Variants in MYOCD observed in about 807,000 individuals in gnomAD.
MYOCD encodes myocardin.
In MYOCD, 32 loss-of-function variants were observed where a neutral mutation model predicts 96.1. The ratio of observed to expected loss-of-function variants is 0.33; its 90% CI spans 0.25 to 0.45. The LOEUF is 0.45. Among genes scored for constraint, MYOCD ranks in the 20% least tolerant of loss-of-function variants. The probability of loss-of-function intolerance (pLI) is 1.00; values close to 1 mark genes in which losing one functional copy is unlikely to be tolerated. For missense variants in MYOCD, 1,133 were observed against 1,200.6 expected (o/e 0.94, Z 0.83); for synonymous variants, 469 against 469.0 (o/e 1.00, Z 0.00).
At chr17:12,669,529 C>A (rs914223092) in intron 1 of MYOCD, among the ~76,000 whole-genome samples, 3 of 152,196 alleles carry the variant, frequency 2.0e-5, no homozygotes, top group African/African-American at 4.8e-5. Flanking sequence ...CACTATATAG[C>A]AGTACTTGGG....
intron 1 of MYOCD, among the ~76,000 whole-genome samples, chr17:12,698,252 C>A (rs1032598721): frequency 1.3e-5 from 2 of 152,186 alleles, no homozygotes; most frequent in African/African-American, 2.4e-5. Flanking sequence ...TAGTCTAGAT[C>A]TGAACTGAAG....
chr17:12,752,598 C>G lies in MYOCD; in HGVS notation c.1310C>G (p.Ser437Cys). ...PNTLPNYQSS[S>C]STSALSNGFY... is the part of the protein sequence containing the mutation. ...ACGCTGCCCAATTACCAGTCTTCCT[C>G]TTCTACCAGTGCCCTGTCCAACGGC... Residue 437 changes from serine to cysteine, a missense_variant, in exon 10 of 14, where the codon TCT becomes TGT. Transcript: ENST00000425538. The G allele has an allele frequency of 6.2e-7, 1 of 1,614,190 alleles. No individual in the cohort carries two copies. The highest frequency in any genetic ancestry group is 8.5e-7 in the Non-Finnish European group (1 of 1,180,040).
chr17:12,683,723 C>T (rs2029935808), intron 1 of MYOCD, among the ~76,000 whole-genome samples: 1 of 152,188 alleles, frequency 6.6e-6, no homozygotes, highest in South Asian at 2.1e-4. Flanking sequence ...CTACATGAAG[C>T]TCCTGGCATG....
chr17:12,688,644 A>C (rs1457093253), intron 1 of MYOCD, among the ~76,000 whole-genome samples: 3 of 122,604 alleles, frequency 2.4e-5, no homozygotes, highest in Non-Finnish European at 3.3e-5. Context: ...TCTTCCTTCC[A>C]TCTTCTTCCT....
intron 4 of MYOCD, 120 bp from the exon 5 acceptor site, chr17:12,722,727 T>G: frequency 2.6e-6 from 2 of 772,514 alleles, no homozygotes. Flanking sequence ...CATCGAAAAA[T>G]TATTAGGATG....
intron 3 of MYOCD, among the ~76,000 whole-genome samples, chr17:12,716,985 C>CAAAAAAAAAA (rs56992216): frequency 8.9e-6 from 1 of 112,952 alleles, no homozygotes; most frequent in Non-Finnish European, 1.7e-5. Context: ...GATGCTGTCT[C>CAAAAAAAAAA]AAAAAAAAAA....
intron 4 of MYOCD, among the ~76,000 whole-genome samples, chr17:12,722,506 C>T (rs1033766493): frequency 2.0e-5 from 3 of 152,194 alleles, no homozygotes; most frequent in African/African-American, 4.8e-5. Context: ...AGTCACTATG[C>T]AGACCAAATG....
At chr17:12,761,022 A>C in intron 13 of MYOCD, 2 of 256,956 alleles carry the variant, frequency 7.8e-6, no homozygotes, top group Non-Finnish European at 1.5e-5. Context: ...TCTAATCTCA[A>C]TGCCCCTACC....
chr17:12,700,924 G>T (rs2031041463), intron 1 of MYOCD, among the ~76,000 whole-genome samples: 1 of 152,048 alleles, frequency 6.6e-6, no homozygotes, highest in East Asian at 1.9e-4. Flanking sequence ...GTGTGGGGGG[G>T]TTATAATAAT....
In MYOCD at chr17:12,767,461, T is replaced by C. The variant is rs2033371133; in HGVS notation, c.*3817T>C. The stretch of plus-strand genomic sequence containing the variant: ...AGTGGCTAATATTTAATGCCCACCA[T>C]GGGCAGAGCACACAAATCTTCAGAT... On this transcript the variant is annotated 3_prime_UTR_variant, in exon 14 of 14. Coordinates refer to ENST00000425538, the MANE Select transcript of MYOCD (RefSeq NM_001146312.3). 1 of 152,226 alleles carries C rather than the reference T, an allele frequency of 6.6e-6. No homozygotes were observed. Among genetic ancestry groups the C allele is most frequent in the African/African-American group, 2.4e-5 (1 of 41,464 alleles). 9.4% of individuals were successfully genotyped at this position (152,226 alleles called of 1,614,324 possible). A position where few individuals can be genotyped will look rare whatever the true frequency, so the allele number is the denominator to read the frequency against.
At chr17:12,716,639 T>A (rs1385151722) in intron 3 of MYOCD, among the ~76,000 whole-genome samples, 1 of 152,064 alleles carries the variant, frequency 6.6e-6, no homozygotes, top group Non-Finnish European at 1.5e-5. Context: ...TTAGATGGAT[T>A]TAGGCAATGT....
Position 12,762,706 on chromosome 17 carries a change from G to C in MYOCD, c.2390-367G>C, listed in dbSNP as rs376351265. On this transcript the variant is annotated intron_variant, in intron 13 of 13. Coordinates refer to ENST00000425538, the MANE Select transcript of MYOCD (RefSeq NM_001146312.3). ...AAACTGCTGAGTTGTCATCAGAAGC[G>C]GGGGGAGTAGCAATCAGAAAGTGGC... 53 of 186,678 alleles carry C rather than the reference G, an allele frequency of 2.8e-4. No individual in the cohort carries two copies. The East Asian group carries it at 6.1e-3, about 21-fold the overall frequency. 11.6% of individuals were successfully genotyped at this position (186,678 alleles called of 1,614,324 possible). A position where few individuals can be genotyped will look rare whatever the true frequency, so the allele number is the denominator to read the frequency against.
intron 7 of MYOCD, among the ~76,000 whole-genome samples, chr17:12,742,617 C>A (rs866775292): frequency 1.8e-4 from 27 of 151,882 alleles, no homozygotes; most frequent in African/African-American, 6.3e-4. Flanking sequence ...ATCACCCAGG[C>A]TGGAGTGTAG....
chr17:12,756,483 T>C lies in MYOCD; in HGVS notation c.2128T>C (p.Ser710Pro). The C allele has an allele frequency of 3.9e-6, 6 of 1,551,704 alleles. No individual in the cohort carries two copies. The highest frequency in any genetic ancestry group is 5.2e-6 in the Non-Finnish European group (6 of 1,147,028). The change falls in exon 11 of 14, where the codon TCT becomes CCT. Residue 710 changes from serine (S) to proline (P), a missense_variant. Physicochemically the swap from Ser to Pro is moderately conservative, Grantham distance 74. Transcript: ENST00000425538. Reference protein sequence around the residue: ...PHSSSLHPPFSGAQADSSHGA... With the variant: ...PHSSSLHPPFPGAQADSSHGA... ...TTCTTCCAGCCTCCACCCGCCCTTC[T>C]CTGGAGCCCAAGCAGACAGCAGTCA...
At chr17:12,762,239 G>A (rs1187492721) in intron 13 of MYOCD, 1 of 152,282 alleles carries the variant, frequency 6.6e-6, no homozygotes, top group African/African-American at 2.4e-5. Context: ...AAAAATACAG[G>A]CTAGACAAGG....
At chr17:12,754,540 G>A (rs1258556329) in intron 10 of MYOCD, among the ~76,000 whole-genome samples, 1 of 152,326 alleles carries the variant, frequency 6.6e-6, no homozygotes, top group Non-Finnish European at 1.5e-5. Context: ...CCCTGAGGTT[G>A]GAACTTGTAG....
At chr17:12,717,617 C>T (rs1417293567) in intron 4 of MYOCD, among the ~76,000 whole-genome samples, 196 bp downstream of exon 4, 3 of 152,196 alleles carry the variant, frequency 2.0e-5, no homozygotes, top group African/African-American at 4.8e-5. Flanking sequence ...AATGGTTAAG[C>T]GGGTTAGAGA....
At chr17:12,722,735 A>C (rs2031876802) in intron 4 of MYOCD, 112 bp from the exon 5 acceptor site, 1 of 822,580 alleles carries the variant, frequency 1.2e-6, no homozygotes, top group South Asian at 1.9e-5. Flanking sequence ...AATTATTAGG[A>C]TGGTAGAGCA....
intron 1 of MYOCD, among the ~76,000 whole-genome samples, chr17:12,669,794 A>G (rs924427092): frequency 6.6e-6 from 1 of 151,834 alleles, no homozygotes; most frequent in Non-Finnish European, 1.5e-5. Context: ...AATTTTTTGT[A>G]TTTTTAGTAG....
Sources: gnomAD v4.1 joint callset for allele counts (sites outside exome capture counted in the v4.1 genomes callset) on GRCh38, gnomAD v4.1.1 for gene constraint, MANE v1.5 for transcripts, NCBI Gene and HGNC (gene_info 2026-07-23, HGNC 2026-07-21) for gene names.